Variants in WBP2NL observed in about 807,000 individuals in gnomAD.
WBP2NL encodes postacrosomal sheath WW domain-binding protein.
WBP2NL carries 27 observed loss-of-function variants against 23.3 expected under a neutral mutation model. The observed-to-expected ratio is 1.16, with a 90% CI of 0.85 to 1.60. The LOEUF is 1.60. WBP2NL is among the 40% of genes most tolerant of loss of function. WBP2NL has a pLI of 0.00. For synonymous variants in WBP2NL, 151 were observed against 145.9 expected (o/e 1.03, Z -0.25); for missense variants, 370 against 389.5 (o/e 0.95, Z 0.42).
intron 5 of WBP2NL, 87 bp downstream of exon 5, chr22:42,022,443 C>A: frequency 8.5e-7 from 1 of 1,180,724 alleles, no homozygotes; most frequent in Non-Finnish European, 1.2e-6. Context: ...TTGCTCCCTG[C>A]AGGAGCAGCA....
rs1176025777 is a variant in WBP2NL, at chr22:42,026,038, G to A, written c.515-728G>A. Among the ~76,000 whole-genome samples the A allele has an allele frequency of 5.3e-5, 8 of 152,068 alleles. No homozygotes were observed. In the East Asian group the frequency reaches 5.8e-4, roughly 11 times the overall value. ...TGTAATCCCAGCACTTTGGGAGGCC[G>A]AGGCGGGTGGATCATGAGGTCAGGA... On this transcript the variant is annotated intron_variant, in intron 5 of 5. Coordinates refer to ENST00000328823, the MANE Select transcript of WBP2NL (RefSeq NM_152613.3).
rs1324755949 is a variant in WBP2NL, at chr22:42,049,551, G to A, written c.*274-8739G>A. ...TAAAAATACAAAAAATTAGCCGGGCGTGGTGGCGGGCACCTGTAGTCCTAG... is the reference window on the plus strand; with the variant it reads ...TAAAAATACAAAAAATTAGCCGGGCATGGTGGCGGGCACCTGTAGTCCTAG... On this transcript the variant is annotated intron_variant and NMD_transcript_variant, in intron 8 of 8. Coordinates refer to the WBP2NL transcript ENST00000436265. 3.3e-5 allele frequency among the ~76,000 whole-genome samples: 5 copies of A among 151,746 alleles called. No homozygotes were observed. In the East Asian group the frequency reaches 5.8e-4, roughly 18 times the overall value.
At chr22:42,016,012 G>C (rs1023053644) in intron 1 of WBP2NL, among the ~76,000 whole-genome samples, 1 of 150,210 alleles carries the variant, frequency 6.7e-6, no homozygotes, top group South Asian at 2.1e-4. Context: ...ATGAAATTTC[G>C]CTCTTGTTCC....
At chr22:42,045,353 A>G (rs996356262) in intron 8 of WBP2NL, among the ~76,000 whole-genome samples, 1 of 152,138 alleles carries the variant, frequency 6.6e-6, no homozygotes, top group African/African-American at 2.4e-5. Flanking sequence ...AGGCAGGAGA[A>G]TGGCGTGAAC....
chr22:42,008,121 GCTTTC>G (rs1185527318), intron 1 of WBP2NL, among the ~76,000 whole-genome samples: 2,222 of 53,778 alleles, frequency 0.041, 89 homozygotes, highest in African/African-American at 0.091. Context: ...CCTTTCCTTT[GCTTTC>G]CTTTCCTTTC....
chr22:42,018,148 C>CA (rs573163901), intron 1 of WBP2NL, among the ~76,000 whole-genome samples: 2,004 of 121,856 alleles, frequency 0.016, 31 homozygotes, highest in African/African-American at 0.042. Context: ...AGACTTCTCT[C>CA]AAAAAAAAAA....
downstream of WBP2NL, among the ~76,000 whole-genome samples, chr22:42,034,731 G>A (rs1925116682): frequency 6.6e-6 from 1 of 152,190 alleles, no homozygotes; most frequent in African/African-American, 2.4e-5. Flanking sequence ...CCAGTTCAGA[G>A]ACCTACCCCT....
chr22:42,057,474 C>A (rs1362654105), intron 8 of WBP2NL, among the ~76,000 whole-genome samples: 1 of 151,846 alleles, frequency 6.6e-6, no homozygotes, highest in Non-Finnish European at 1.5e-5. Flanking sequence ...GCTCTTTGAA[C>A]ATGTTTAAAA....
chr22:42,053,087 T>G (rs1317917443), intron 8 of WBP2NL, among the ~76,000 whole-genome samples: 1 of 152,262 alleles, frequency 6.6e-6, no homozygotes, highest in Non-Finnish European at 1.5e-5. Context: ...AATGGAATAA[T>G]ACAATGCATG....
At chr22:42,023,742 G>A (rs1455642939) in intron 5 of WBP2NL, among the ~76,000 whole-genome samples, 4 of 151,966 alleles carry the variant, frequency 2.6e-5, no homozygotes, top group African/African-American at 4.8e-5. Flanking sequence ...TGATCCGCCC[G>A]CCTCAGCCTC....
chr22:42,054,262 C>G (rs1325506867), intron 8 of WBP2NL, among the ~76,000 whole-genome samples: 1 of 152,042 alleles, frequency 6.6e-6, no homozygotes, highest in Non-Finnish European at 1.5e-5. Context: ...ATCACTGAAA[C>G]CTCCACCTCT....
intron 8 of WBP2NL, among the ~76,000 whole-genome samples, chr22:42,045,967 T>C (rs1010867162): frequency 6.6e-6 from 1 of 152,232 alleles, no homozygotes; most frequent in Admixed American, 6.5e-5. Context: ...AGTAGTTTTA[T>C]AGGTATGGGT....
In WBP2NL at chr22:41,998,839, C is replaced by G; in HGVS notation, c.21C>G (p.His7Gln). 6.2e-7 allele frequency: 1 copy of G among 1,612,434 alleles called. No individual in the cohort carries two copies. The highest frequency in any genetic ancestry group is 8.5e-7 in the Non-Finnish European group (1 of 1,179,046). ...GCAAGATGGCGGTGAATCAGAGCCACACCGAGAACCGCCGCGGAGCCCTCA... is the reference window on the plus strand; with the variant it reads ...GCAAGATGGCGGTGAATCAGAGCCAGACCGAGAACCGCCGCGGAGCCCTCA... MAVNQS[H>Q]TENRRGALIP... The change falls in exon 1 of 6, where the codon CAC becomes CAG. Residue 7 changes from histidine (H) to glutamine (Q), a missense_variant. Physicochemically the swap from His to Gln is conservative, Grantham distance 24 (BLOSUM62 0). Transcript: ENST00000328823.
Position 42,006,108 on chromosome 22 carries a change from T to C in WBP2NL, c.62+7228T>C, listed in dbSNP as rs538496457. 5.9e-5 allele frequency among the ~76,000 whole-genome samples: 9 copies of C among 152,358 alleles called. No individual in the cohort carries two copies. In the East Asian group the frequency reaches 1.7e-3, roughly 29 times the overall value. ...AGAGAGTTCTTCTCCACCATGACAA[T>C]GCTCCTGTTCATCGTTCTCATCAAA... On this transcript the variant is annotated intron_variant, in intron 1 of 5. Transcript: ENST00000328823.
downstream of WBP2NL, among the ~76,000 whole-genome samples, chr22:42,033,812 A>G (rs747048853): frequency 2.0e-5 from 3 of 152,104 alleles, no homozygotes; most frequent in Non-Finnish European, 2.9e-5. Flanking sequence ...GAGCCCAGGG[A>G]TTTTATGGGC....
At chr22:42,045,834 T>G (rs540847859) in intron 8 of WBP2NL, among the ~76,000 whole-genome samples, 3 of 152,240 alleles carry the variant, frequency 2.0e-5, no homozygotes, top group Non-Finnish European at 2.9e-5. Flanking sequence ...TATAACTGAT[T>G]TACATTTTCA....
chr22:42,055,684 CAATT>C (rs887570828), intron 8 of WBP2NL, among the ~76,000 whole-genome samples: 2 of 151,992 alleles, frequency 1.3e-5, no homozygotes, highest in African/African-American at 4.8e-5. Context: ...TTTCTGTATT[CAATT>C]GTGTCTGGTT....
At chr22:42,041,848 T>A (rs1925410482) in intron 8 of WBP2NL, among the ~76,000 whole-genome samples, 1 of 152,246 alleles carries the variant, frequency 6.6e-6, no homozygotes, top group Non-Finnish European at 1.5e-5. Context: ...AGAAATCCCT[T>A]AAGCATTTCT....
At chr22:42,011,626 T>A (rs1922826016) in intron 1 of WBP2NL, among the ~76,000 whole-genome samples, 1 of 152,182 alleles carries the variant, frequency 6.6e-6, no homozygotes, top group African/African-American at 2.4e-5. Flanking sequence ...TTGTTCATGA[T>A]TCAGTGTGGT....
Sources: gnomAD v4.1 joint callset for allele counts (sites outside exome capture counted in the v4.1 genomes callset) on GRCh38, gnomAD v4.1.1 for gene constraint, MANE v1.5 for transcripts, NCBI Gene and HGNC (gene_info 2026-07-23, HGNC 2026-07-21) for gene names.